GYG1: variants seen among roughly 807,000 people sequenced by gnomAD.
GYG1 encodes glycogenin-1.
GYG1 carries 44 observed loss-of-function variants against 41.9 expected under a neutral mutation model. That is an observed-to-expected ratio of 1.05 (90% confidence interval 0.83 to 1.35). The LOEUF (loss-of-function observed/expected upper bound fraction) is 1.35, where lower values mean the gene tolerates loss of function less well. GYG1 is among the 40% of genes most tolerant of loss of function. GYG1 has a pLI of 0.00. For synonymous variants in GYG1, 141 were observed against 158.1 expected, an observed-to-expected ratio of 0.89 and a Z score of 0.81; for missense variants, 429 against 418.9, an observed-to-expected ratio of 1.02 and a Z score of -0.21.
chr3:149,000,207 TATA>T (rs1403461547), intron 4 of GYG1, among the ~76,000 whole-genome samples: 1 of 152,254 alleles, frequency 6.6e-6, no homozygotes, highest in African/African-American at 2.4e-5. Flanking sequence ...CCTAAAATTC[TATA>T]ATGTTAGATT....
rs574922452 is a variant in GYG1 at position 148,997,461 on chromosome 3, T to G, written c.481+557T>G. Among the ~76,000 whole-genome samples, 106 of 152,310 alleles carry G rather than the reference T, an allele frequency of 7.0e-4. 4 individuals are homozygous for G. In the South Asian group the frequency reaches 0.021, roughly 31 times the overall value. On this transcript the variant is annotated intron_variant, in intron 4 of 7. Transcript: ENST00000345003. ...TCTGCAGGGCCAAAAAGTAGAACAT[T>G]GGCAAAGTCAGCATCCATTTTCTAT...
In GYG1 at chr3:149,029,638, A is replaced by G. The variant is rs1714845606; in HGVS notation, c.*2705A>G. Among the ~76,000 whole-genome samples, 1 of 152,262 alleles carries G rather than the reference A, an allele frequency of 6.6e-6. No homozygotes were observed. The highest frequency in any genetic ancestry group is 2.4e-5 in the African/African-American group (1 of 41,466). On this transcript the variant is annotated 3_prime_UTR_variant, in exon 8 of 8. Coordinates refer to ENST00000345003, the MANE Select transcript of GYG1 (RefSeq NM_004130.4). ...ATGAATCTCATCCAAATGCTAATGC[A>G]TAAACCTTGACAAGTAGTATAAATA...
rs112775091 is a variant in GYG1, at chr3:149,014,968, AT to A, written c.608+5574del. ...GTATGTTTTGTTTGTGCTACACAGA[AT>A]TTTTTTTAACTTAATTGTCAATGCT... On this transcript the variant is annotated intron_variant, in intron 5 of 7. Coordinates refer to ENST00000345003, the MANE Select transcript of GYG1 (RefSeq NM_004130.4). 5.3e-5 allele frequency among the ~76,000 whole-genome samples: 8 copies of A among 152,052 alleles called. No homozygotes were observed. In the South Asian group the frequency reaches 1.5e-3, roughly 28 times the overall value.
Position 149,024,120 on chromosome 3 carries a change from C to A in GYG1, c.676C>A (p.Pro226Thr). The change falls in exon 6 of 8, where the codon CCC becomes ACC. Residue 226 changes from proline to threonine, a missense_variant. Coordinates refer to ENST00000345003, the MANE Select transcript of GYG1 (RefSeq NM_004130.4). Reference protein sequence around the residue: ...RVKPWNYTYDPKTKSVKSEAH... With the variant: ...RVKPWNYTYDTKTKSVKSEAH... ...CAAACCATGGAATTATACTTATGAT[C>A]CCAAAACAAAAAGTGTCAAAAGTGA... 5 of 1,614,034 alleles carry A rather than the reference C, an allele frequency of 3.1e-6. No homozygotes were observed. The highest frequency in any genetic ancestry group is 4.2e-6 in the Non-Finnish European group (5 of 1,179,934).
chr3:148,995,817 A>G (rs1712751783), intron 2 of GYG1, among the ~76,000 whole-genome samples: 1 of 152,224 alleles, frequency 6.6e-6, no homozygotes, highest in African/African-American at 2.4e-5. Context: ...TTTCTAAAAT[A>G]AAGCCTTAGT....
chr3:149,026,973 C>G lies in GYG1; in HGVS notation c.*40C>G, dbSNP rs1212151605. 6.2e-7 allele frequency: 1 copy of G among 1,601,922 alleles called. No homozygotes were observed. Among genetic ancestry groups the G allele is most frequent in the East Asian group, 2.2e-5 (1 of 44,820 alleles). On this transcript the variant is annotated 3_prime_UTR_variant, in exon 8 of 8. Transcript: ENST00000345003. ...TCTGTGAACACATCCACTTCACAAG[C>G]CTTGTTTCTGATACTTAGTATCTAG...
rs771963932 is a variant in GYG1, at chr3:149,024,118, A to G, written c.674A>G (p.Asp225Gly). 1.2e-6 allele frequency: 2 copies of G among 1,614,162 alleles called. No homozygotes were observed. The highest frequency in any genetic ancestry group is 4.5e-5 in the East Asian group (2 of 44,884). The change falls in exon 6 of 8, where the codon GAT (aspartate) becomes GGT (glycine). Residue 225 changes from aspartate (D) to glycine (G), a missense_variant. Physicochemically the swap from Asp to Gly is moderately conservative, Grantham distance 94. Transcript: ENST00000345003. ...GRVKPWNYTY[D>G]PKTKSVKSEA... ...GTCAAACCATGGAATTATACTTATGATCCCAAAACAAAAAGTGTCAAAAGT... is the reference window on the plus strand; with the variant it reads ...GTCAAACCATGGAATTATACTTATGGTCCCAAAACAAAAAGTGTCAAAAGT...
At chr3:149,004,246 C>G (rs1713271943) in intron 4 of GYG1, among the ~76,000 whole-genome samples, 1 of 152,172 alleles carries the variant, frequency 6.6e-6, no homozygotes, top group Non-Finnish European at 1.5e-5. Flanking sequence ...TTTGTTGGCT[C>G]TGAGATGAGT....
At chr3:149,021,445 C>T (rs543478140) in intron 5 of GYG1, among the ~76,000 whole-genome samples, 3 of 152,176 alleles carry the variant, frequency 2.0e-5, no homozygotes, top group Admixed American at 2.0e-4. Context: ...TCAGAAGAAA[C>T]AAACCGTGGA....
intron 2 of GYG1, among the ~76,000 whole-genome samples, chr3:148,996,101 T>C (rs974414407): frequency 6.6e-6 from 1 of 152,214 alleles, no homozygotes. Context: ...CTTACTACTT[T>C]AGTGACGTTA....
At position 148,996,437 on chromosome 3, in the gene GYG1, A is replaced by G; in HGVS notation, c.279A>G (p.Thr93=). 2 of 1,614,126 alleles carry G rather than the reference A, an allele frequency of 1.2e-6. No individual in the cohort carries two copies. The highest frequency in any genetic ancestry group is 1.3e-5 in the African/African-American group (1 of 75,050). The stretch of plus-strand genomic sequence containing the variant: ...CAAAGCTCCACTGCTGGTCGCTTAC[A>G]CAGTATTCAAAATGTGTATTCATGG... The part of the protein sequence containing the change: ...TLTKLHCWSL[T]QYSKCVFMDA... Residue 93 remains threonine, a synonymous_variant, in exon 3 of 8, where the codon ACA becomes ACG. Transcript: ENST00000345003.
At chr3:149,016,606 G>GA (rs1167779806) in intron 5 of GYG1, among the ~76,000 whole-genome samples, 1 of 152,176 alleles carries the variant, frequency 6.6e-6, no homozygotes, top group African/African-American at 2.4e-5. Flanking sequence ...GGGAGGATTA[G>GA]TTTGCAAGGC....
At chr3:149,020,725 G>C (rs1714323971) in intron 5 of GYG1, among the ~76,000 whole-genome samples, 1 of 152,158 alleles carries the variant, frequency 6.6e-6, no homozygotes, top group Non-Finnish European at 1.5e-5. Context: ...TTACTATCAT[G>C]TTATGACTAT....
intron 4 of GYG1, among the ~76,000 whole-genome samples, chr3:149,006,080 C>CTTTTTTTTTTTTTT (rs34268321): frequency 8.5e-6 from 1 of 117,206 alleles, no homozygotes; most frequent in Non-Finnish European, 1.7e-5. Flanking sequence ...TCATCATATT[C>CTTTTTTTTTTTTTT]TTTTTTTTTT....
rs150812492 is a variant in GYG1, at chr3:149,030,427, A to C, written c.*3494A>C. On this transcript the variant is annotated 3_prime_UTR_variant, in exon 8 of 8. Transcript: ENST00000345003. ...AAACAACTTGCCAAACTTACTTATG[A>C]GTGTGTTTTAAAAACAACTTTGTAA... 6.6e-6 allele frequency: 1 copy of C among 151,978 alleles called. No homozygotes were observed. Among genetic ancestry groups the C allele is most frequent in the East Asian group, 1.9e-4 (1 of 5,174 alleles). 9.4% of individuals were successfully genotyped at this position (151,978 alleles called of 1,614,324 possible). A position where few individuals can be genotyped will look rare whatever the true frequency, so the allele number is the denominator to read the frequency against.
chr3:149,013,070 G>T (rs1576548200), intron 5 of GYG1, among the ~76,000 whole-genome samples: 1 of 150,504 alleles, frequency 6.6e-6, no homozygotes, highest in South Asian at 2.1e-4. Context: ...GCCCAGACTG[G>T]TCTTACTCCT....
rs781017053 is a variant in GYG1 at position 149,026,954 on chromosome 3, A to AAC, written c.*25_*26dup. On this transcript the variant is annotated 3_prime_UTR_variant, in exon 8 of 8. Coordinates refer to ENST00000345003, the MANE Select transcript of GYG1 (RefSeq NM_004130.4). The stretch of plus-strand genomic sequence containing the variant: ...AGTAGAAACACTGCATTTTTCTGTG[A>AAC]ACACATCCACTTCACAAGCCTTGTT... 9.9e-6 allele frequency: 16 copies of AAC among 1,612,054 alleles called. No individual in the cohort carries two copies. The African/African-American group carries it at 1.9e-4, about 19-fold the overall frequency.
chr3:149,000,435 A>G (rs745604401), intron 4 of GYG1, among the ~76,000 whole-genome samples: 8 of 152,256 alleles, frequency 5.3e-5, no homozygotes, highest in Non-Finnish European at 1.0e-4. Context: ...GCTTCTGGGC[A>G]TGTTAGCACT....
At chr3:149,019,285 T>A (rs1194322249) in intron 5 of GYG1, among the ~76,000 whole-genome samples, 1 of 152,150 alleles carries the variant, frequency 6.6e-6, no homozygotes, top group East Asian at 1.9e-4. Context: ...CTCAGTAAAC[T>A]GGCCCCAACT....
Sources: allele counts gnomAD v4.1 joint callset (sites outside exome capture counted in the v4.1 genomes callset), GRCh38; gene constraint gnomAD v4.1.1; transcripts MANE v1.5; gene names NCBI Gene and HGNC (gene_info 2026-07-23, HGNC 2026-07-21).